DSCAM: variants seen among roughly 807,000 people sequenced by gnomAD.
The protein encoded by DSCAM is cell adhesion molecule DSCAM.
Under a neutral mutation model 217.7 loss-of-function variants are expected in DSCAM, and 47 were observed. The ratio of observed to expected loss-of-function variants is 0.22; its 90% CI spans 0.17 to 0.28. DSCAM has a LOEUF of 0.28. Among genes scored for constraint, DSCAM ranks in the 10% least tolerant of loss-of-function variants. DSCAM has a pLI of 1.00. For missense variants in DSCAM, 2,080 were observed against 2,618.3 expected, an observed-to-expected ratio of 0.79 and a Z score of 4.49; for synonymous variants, 1,056 against 1,015.3, an observed-to-expected ratio of 1.04 and a Z score of -0.76.
chr21:40,578,184 C>T (rs17000036), intron 3 of DSCAM, among the ~76,000 whole-genome samples: 5,767 of 152,076 alleles, frequency 0.038, 314 homozygotes, highest in African/African-American at 0.12. Flanking sequence ...TAGAGGTATC[C>T]GGCAGTATCT....
intron 3 of DSCAM, among the ~76,000 whole-genome samples, chr21:40,556,344 A>G (rs2076671598): frequency 6.6e-6 from 1 of 152,212 alleles, no homozygotes; most frequent in African/African-American, 2.4e-5. Flanking sequence ...ATTAACACAT[A>G]TTTTGTATGT....
intron 20 of DSCAM, among the ~76,000 whole-genome samples, chr21:40,105,009 G>C (rs2089800561): frequency 6.6e-6 from 1 of 152,166 alleles, no homozygotes; most frequent in South Asian, 2.1e-4. Flanking sequence ...TTAGTGACAG[G>C]TTATCTGACA....
At chr21:40,778,299 A>T (rs187832119) in intron 1 of DSCAM, among the ~76,000 whole-genome samples, 100 of 152,318 alleles carry the variant, frequency 6.6e-4, no homozygotes, top group Non-Finnish European at 8.8e-4. Context: ...GGGTTAAAAA[A>T]AAATAAATAT....
intron 3 of DSCAM, among the ~76,000 whole-genome samples, chr21:40,461,600 G>C (rs540910035): frequency 2.0e-5 from 3 of 152,084 alleles, no homozygotes; most frequent in Non-Finnish European, 4.4e-5. Context: ...CCACAAATAC[G>C]TTTGCATCCC....
intron 1 of DSCAM, among the ~76,000 whole-genome samples, chr21:40,791,381 G>A (rs1205478514): frequency 3.3e-5 from 5 of 152,096 alleles, no homozygotes; most frequent in East Asian, 1.9e-4. Flanking sequence ...AAGGCCAGGC[G>A]CAGTGGTTCA....
At chr21:40,420,354 T>C (rs1487536574) in intron 3 of DSCAM, among the ~76,000 whole-genome samples, 1 of 152,194 alleles carries the variant, frequency 6.6e-6, no homozygotes, top group Admixed American at 6.5e-5. Flanking sequence ...CTTTTCTTTA[T>C]CCGTATCAAA....
At position 40,075,113 on chromosome 21, in the gene DSCAM, C is replaced by T. The variant is rs1199408853; in HGVS notation, c.4812G>A (p.Val1604=). 3 of 1,614,104 alleles carry T rather than the reference C, an allele frequency of 1.9e-6. No individual in the cohort carries two copies. The highest frequency in any genetic ancestry group is 2.2e-5 in the East Asian group (1 of 44,884). Residue 1604 remains valine (V), a synonymous_variant, in exon 27 of 33, where the codon GTG becomes GTA. Transcript: ENST00000400454. Reference sequence around the variant, plus strand: ...GGAGCACAAACAGCAGCAAGACCCCCACCAGGATACAGGAGATGGTCACCA... The same window carrying T: ...GGAGCACAAACAGCAGCAAGACCCCTACCAGGATACAGGAGATGGTCACCA... ...KMLVTISCIL[V]GVLLLFVLLL...
rs114446479 is a variant in DSCAM at position 40,427,250 on chromosome 21, G to T, written c.509-58005C>A. Among the ~76,000 whole-genome samples the T allele has an allele frequency of 7.3e-3, 1,108 of 152,246 alleles. 18 individuals carry two copies. The highest frequency in any genetic ancestry group is 0.025 in the African/African-American group (1,055 of 41,528). ...TCTGTCCTAGCTGATCACTGTCCTG[G>T]GCATGAACCCGTGTGTCCCAGCTGA... On this transcript the variant is annotated intron_variant, in intron 3 of 32. Transcript: ENST00000400454.
At chr21:40,832,381 C>G (rs2092018650) in intron 1 of DSCAM, among the ~76,000 whole-genome samples, 1 of 152,254 alleles carries the variant, frequency 6.6e-6, no homozygotes, top group East Asian at 1.9e-4. Context: ...TACCCTCATT[C>G]TTTTTTAGGG....
intron 3 of DSCAM, among the ~76,000 whole-genome samples, chr21:40,602,307 C>T (rs935324181): frequency 7.9e-5 from 12 of 152,162 alleles, no homozygotes; most frequent in African/African-American, 2.2e-4. Flanking sequence ...GCAATCCGCC[C>T]GCTGCGGCTT....
At chr21:40,151,859 T>C (rs910951113) in intron 16 of DSCAM, among the ~76,000 whole-genome samples, 1 of 152,204 alleles carries the variant, frequency 6.6e-6, no homozygotes, top group African/African-American at 2.4e-5. Flanking sequence ...AGGCAGGATT[T>C]GGAGGGGTTG....
chr21:40,817,085 T>TG (rs2091887093), intron 1 of DSCAM, among the ~76,000 whole-genome samples: 1 of 119,248 alleles, frequency 8.4e-6, no homozygotes, highest in African/African-American at 3.0e-5. Flanking sequence ...TAAATTAGAT[T>TG]CTTTTTTTTT....
At position 40,512,091 on chromosome 21, in the gene DSCAM, G is replaced by A. The variant is rs183008520; in HGVS notation, c.509-142846C>T. On this transcript the variant is annotated intron_variant, in intron 3 of 32. Transcript: ENST00000400454. ...TCCAATGAGAAAGGCAAGGGAGATA[G>A]GTTACACTGTTTTGCAAGAAGAGAG... Among the ~76,000 whole-genome samples, 438 of 151,934 alleles carry A rather than the reference G, an allele frequency of 2.9e-3. 2 individuals are homozygous for A. The highest frequency in any genetic ancestry group is 0.01 in the African/African-American group (415 of 41,440).
At chr21:40,065,503 C>A (rs950980699) in intron 27 of DSCAM, among the ~76,000 whole-genome samples, 1 of 152,228 alleles carries the variant, frequency 6.6e-6, no homozygotes, top group African/African-American at 2.4e-5. Context: ...TTCAGATTGG[C>A]CACCTAATGA....
At position 40,094,022 on chromosome 21, in the gene DSCAM, T is replaced by G. The variant is rs1017843304; in HGVS notation, c.3697-148A>C. The G allele has an allele frequency of 3.6e-6, 3 of 833,192 alleles. No individual in the cohort carries two copies. The African/African-American group carries it at 5.2e-5, about 14-fold the overall frequency. The allele number at this position is 833,192 out of a possible 1,614,324, so 51.6% of individuals were successfully genotyped here. ...AAAAGGCTGGCTTTGCAATATAAAA[T>G]GTAACTGGTAAGTTTAAGTGACCCA... On this transcript the variant is annotated intron_variant, in intron 20 of 32. Coordinates refer to ENST00000400454, the MANE Select transcript of DSCAM (RefSeq NM_001389.5).
intron 3 of DSCAM, among the ~76,000 whole-genome samples, chr21:40,497,464 G>C (rs2076128233): frequency 1.3e-5 from 2 of 151,962 alleles, no homozygotes; most frequent in South Asian, 4.2e-4. Flanking sequence ...TCCAGGGGTG[G>C]GGGCAGGGGT....
chr21:40,271,087 C>T (rs1161633838), intron 11 of DSCAM, among the ~76,000 whole-genome samples: 2 of 152,212 alleles, frequency 1.3e-5, no homozygotes, highest in African/African-American at 2.4e-5. Context: ...ACCCTGCAGA[C>T]GGTCAGGTCA....
chr21:40,593,379 G>A (rs1279351905), intron 3 of DSCAM, among the ~76,000 whole-genome samples: 2 of 150,828 alleles, frequency 1.3e-5, no homozygotes, highest in Non-Finnish European at 2.9e-5. Context: ...AGGCTGGCAG[G>A]CAGTGGCATG....
At chr21:40,600,831 T>C (rs1392293629) in intron 3 of DSCAM, among the ~76,000 whole-genome samples, 3 of 151,840 alleles carry the variant, frequency 2.0e-5, no homozygotes, top group African/African-American at 7.2e-5. Context: ...CTTTGTTCCT[T>C]TGTCAATATT....
Sources: allele counts gnomAD v4.1 joint callset (sites outside exome capture counted in the v4.1 genomes callset), GRCh38; gene constraint gnomAD v4.1.1; transcripts MANE v1.5; gene names NCBI Gene and HGNC (gene_info 2026-07-23, HGNC 2026-07-21).